Variants in MYRIP observed in about 807,000 individuals in gnomAD.
MYRIP encodes rab effector MyRIP.
MYRIP carries 49 observed loss-of-function variants against 98.0 expected under a neutral mutation model. The ratio of observed to expected loss-of-function variants is 0.50; its 90% CI spans 0.40 to 0.63. MYRIP has a LOEUF of 0.63. Ranked by LOEUF, MYRIP falls within the 30% of genes least tolerant of loss-of-function variation. The pLI, the probability that MYRIP is intolerant of heterozygous loss-of-function variation, is 0.00. For synonymous variants in MYRIP, 404 were observed against 409.5 expected, an observed-to-expected ratio of 0.99 and a Z score of 0.16; for missense variants, 1,004 against 1,058.2, an observed-to-expected ratio of 0.95 and a Z score of 0.71.
At chr3:39,865,210 A>T (rs1281853889) in intron 1 of MYRIP, among the ~76,000 whole-genome samples, 1 of 152,218 alleles carries the variant, frequency 6.6e-6, no homozygotes, top group East Asian at 1.9e-4. Context: ...TTAGACGATA[A>T]CCTAGGAAAT....
chr3:40,219,383 G>A (rs560379268), intron 11 of MYRIP, among the ~76,000 whole-genome samples: 12 of 152,124 alleles, frequency 7.9e-5, no homozygotes, highest in East Asian at 1.9e-4. Flanking sequence ...TGTGCACAAC[G>A]TGCAGGTTTG....
At chr3:40,183,888 A>G (rs771731134) in intron 9 of MYRIP, among the ~76,000 whole-genome samples, 2 of 152,268 alleles carry the variant, frequency 1.3e-5, no homozygotes, top group Non-Finnish European at 2.9e-5. Context: ...CAACAACTAT[A>G]GAAACAAAAT....
intron 1 of MYRIP, among the ~76,000 whole-genome samples, chr3:39,831,062 T>C (rs1941430194): frequency 6.6e-6 from 1 of 152,200 alleles, no homozygotes; most frequent in African/African-American, 2.4e-5. Flanking sequence ...TAATCCTACT[T>C]GATGCACTTT....
chr3:39,909,882 C>CT (rs535507330), intron 2 of MYRIP, among the ~76,000 whole-genome samples: 2,784 of 110,708 alleles, frequency 0.025, 87 homozygotes, highest in African/African-American at 0.096. Flanking sequence ...AAAGCACGTT[C>CT]TTTTTTTTTG....
At chr3:39,961,993 T>C (rs1175326250) in intron 2 of MYRIP, among the ~76,000 whole-genome samples, 1 of 152,108 alleles carries the variant, frequency 6.6e-6, no homozygotes, top group African/African-American at 2.4e-5. Flanking sequence ...AAAAGATGAA[T>C]GGACTCTCTT....
chr3:40,103,511 C>A (rs762172876), intron 3 of MYRIP, among the ~76,000 whole-genome samples: 5 of 152,222 alleles, frequency 3.3e-5, no homozygotes, highest in Non-Finnish European at 7.3e-5. Context: ...ATAATCCCAA[C>A]ACTTTGGGAG....
chr3:39,895,915 TG>T (rs1471142234), intron 1 of MYRIP, among the ~76,000 whole-genome samples: 3 of 108,872 alleles, frequency 2.8e-5, no homozygotes, highest in East Asian at 2.7e-4. Context: ...TGTGTGTGTG[TG>T]GTGTGTGTGT....
At chr3:39,942,495 GT>G (rs1250218183) in intron 2 of MYRIP, among the ~76,000 whole-genome samples, 1 of 152,094 alleles carries the variant, frequency 6.6e-6, no homozygotes, top group African/African-American at 2.4e-5. Flanking sequence ...AGACACCTAG[GT>G]TTTTTCCTTT....
At chr3:40,006,837 A>T (rs1946646158) in intron 2 of MYRIP, among the ~76,000 whole-genome samples, 1 of 152,146 alleles carries the variant, frequency 6.6e-6, no homozygotes, top group Non-Finnish European at 1.5e-5. Flanking sequence ...TAAGCAGCTA[A>T]ATTAAATGGG....
chr3:40,055,983 T>C (rs966003742), intron 3 of MYRIP, among the ~76,000 whole-genome samples: 1 of 152,210 alleles, frequency 6.6e-6, no homozygotes, highest in Non-Finnish European at 1.5e-5. Context: ...ATAAACATCA[T>C]TGTAATTCAA....
chr3:39,960,807 C>T (rs183246054), intron 2 of MYRIP, among the ~76,000 whole-genome samples: 8 of 152,252 alleles, frequency 5.3e-5, no homozygotes, highest in Non-Finnish European at 8.8e-5. Flanking sequence ...CTTACATAAG[C>T]CACTTTAGTT....
chr3:40,096,789 G>A (rs772556437), intron 3 of MYRIP, among the ~76,000 whole-genome samples: 4 of 152,190 alleles, frequency 2.6e-5, no homozygotes, highest in Non-Finnish European at 4.4e-5. Context: ...CAAAGGCATC[G>A]GCATCTTTGA....
intron 3 of MYRIP, among the ~76,000 whole-genome samples, chr3:40,099,673 T>C (rs1394741750): frequency 6.6e-6 from 1 of 152,198 alleles, no homozygotes; most frequent in Non-Finnish European, 1.5e-5. Context: ...CTTCCAATTA[T>C]TCCCTTCCCT....
At position 40,234,030 on chromosome 3, in the gene MYRIP, C is replaced by A. The variant is rs201370387; in HGVS notation, c.2077C>A (p.Gln693Lys). The part of the protein sequence containing the change: ...RGTDQVRLDE[Q>K]LTSLEENVYL... ...GACAGACCAAGTGAGACTGGATGAGCAGCTGACTTCCCTGGAAGAAAATGT... is the reference window on the plus strand; with the variant it reads ...GACAGACCAAGTGAGACTGGATGAGAAGCTGACTTCCCTGGAAGAAAATGT... Residue 693 changes from glutamine to lysine, a missense_variant, in exon 12 of 17, where the codon CAG (glutamine) becomes AAG (lysine). By Grantham distance (53) the Gln-to-Lys change is moderately conservative (BLOSUM62 1). Coordinates refer to ENST00000302541, the MANE Select transcript of MYRIP (RefSeq NM_015460.4). The A allele has an allele frequency of 7.5e-6, 12 of 1,604,666 alleles. No individual in the cohort carries two copies. In the East Asian group the frequency reaches 2.5e-4, roughly 33 times the overall value.
chr3:40,170,809 ACAGGTGCACTT>A, intron 8 of MYRIP, among the ~76,000 whole-genome samples: 1 of 152,326 alleles, frequency 6.6e-6, no homozygotes, highest in Non-Finnish European at 1.5e-5. Context: ...AGGGCAGCAC[ACAGGTGCACTT>A]CAAAACTGGA....
At chr3:39,943,737 A>C (rs1366344728) in intron 2 of MYRIP, among the ~76,000 whole-genome samples, 1 of 152,182 alleles carries the variant, frequency 6.6e-6, no homozygotes, top group Non-Finnish European at 1.5e-5. Context: ...AGCCCTATTA[A>C]ATCAATTCTC....
chr3:40,138,248 T>C (rs967084951), intron 3 of MYRIP, among the ~76,000 whole-genome samples: 1 of 152,150 alleles, frequency 6.6e-6, no homozygotes, highest in African/African-American at 2.4e-5. Flanking sequence ...GTGTGTTCAC[T>C]TACATTCACA....
intron 2 of MYRIP, among the ~76,000 whole-genome samples, chr3:39,901,580 TA>T (rs1464546575): frequency 6.6e-6 from 1 of 152,178 alleles, no homozygotes; most frequent in East Asian, 1.9e-4. Flanking sequence ...GGTCATGTGT[TA>T]GGCCTAATGT....
intron 9 of MYRIP, among the ~76,000 whole-genome samples, chr3:40,188,314 T>C (rs1157178574): frequency 6.6e-6 from 1 of 152,104 alleles, no homozygotes; most frequent in African/African-American, 2.4e-5. Context: ...TTAACTAGCA[T>C]AAAGTAAGAC....
Sources: gnomAD v4.1 joint callset for allele counts (sites outside exome capture counted in the v4.1 genomes callset) on GRCh38, gnomAD v4.1.1 for gene constraint, MANE v1.5 for transcripts, NCBI Gene and HGNC (gene_info 2026-07-23, HGNC 2026-07-21) for gene names.